Variants in PID1 observed in about 807,000 individuals in gnomAD.
PID1 encodes the protein PTB-containing, cubilin and LRP1-interacting protein.
A neutral mutation model predicts 19.1 loss-of-function variants in PID1; 10 were observed. That is an observed-to-expected ratio of 0.52 (90% CI 0.32 to 0.89). The LOEUF (loss-of-function observed/expected upper bound fraction) is 0.89. Among genes scored for constraint, PID1 ranks in the 40% least tolerant of loss-of-function variants. The pLI is 0.03. For synonymous variants in PID1, 130 were observed against 116.0 expected (o/e 1.12, Z -0.78); for missense variants, 248 against 285.3 (o/e 0.87, Z 0.94).
At chr2:229,244,336 T>C (rs1458041774) in intron 1 of PID1, among the ~76,000 whole-genome samples, 1 of 152,118 alleles carries the variant, frequency 6.6e-6, no homozygotes, top group Non-Finnish European at 1.5e-5. Flanking sequence ...TCCCTGATTC[T>C]TATCGTCATC....
chr2:229,078,944 G>A (rs1191752589), intron 2 of PID1, among the ~76,000 whole-genome samples: 2 of 152,182 alleles, frequency 1.3e-5, no homozygotes, highest in East Asian at 1.9e-4. Flanking sequence ...GAATGCTGAA[G>A]TAAGTGTAGG....
At chr2:229,073,824 C>T (rs1458782741) in intron 2 of PID1, among the ~76,000 whole-genome samples, 1 of 152,190 alleles carries the variant, frequency 6.6e-6, no homozygotes, top group African/African-American at 2.4e-5. Flanking sequence ...ATTTTGGCTA[C>T]TGGGAATAAA....
intron 1 of PID1, among the ~76,000 whole-genome samples, chr2:229,188,883 T>A (rs1025187571): frequency 6.6e-6 from 1 of 152,208 alleles, no homozygotes; most frequent in African/African-American, 2.4e-5. Context: ...CTCCTTGGTC[T>A]TTAGTAAGCA....
At chr2:229,147,562 A>T (rs994587042) in intron 2 of PID1, among the ~76,000 whole-genome samples, 3 of 152,000 alleles carry the variant, frequency 2.0e-5, no homozygotes, top group African/African-American at 7.2e-5. Context: ...ACATGTTATA[A>T]TCAACTTTTT....
intron 2 of PID1, among the ~76,000 whole-genome samples, chr2:229,074,323 A>T (rs1255643472): frequency 2.0e-5 from 3 of 151,972 alleles, no homozygotes; most frequent in African/African-American, 7.3e-5. Context: ...ACATTACTTA[A>T]AAAAAAAGAT....
chr2:229,177,641 G>C (rs1690851673), intron 1 of PID1, among the ~76,000 whole-genome samples: 1 of 151,944 alleles, frequency 6.6e-6, no homozygotes, highest in African/African-American at 2.4e-5. Flanking sequence ...TGTTGTTTTA[G>C]ACTTCTGATA....
In PID1 at chr2:229,025,720, G is replaced by A; in HGVS notation, c.566C>T (p.Thr189Ile). 1.2e-6 allele frequency: 2 copies of A among 1,614,258 alleles called. No individual in the cohort carries two copies. The highest frequency in any genetic ancestry group is 1.7e-6 in the Non-Finnish European group (2 of 1,180,044). Reference protein sequence around the residue: ...AHAMMEAFRKTFHSMKSDGRI... With the variant: ...AHAMMEAFRKIFHSMKSDGRI... Reference sequence around the variant, plus strand: ...CCCGTCGCTCTTCATACTGTGGAAAGTCTTCCTGAAGGCCTCCATCATGGC... The same window carrying A: ...CCCGTCGCTCTTCATACTGTGGAAAATCTTCCTGAAGGCCTCCATCATGGC... Residue 189 changes from threonine (T) to isoleucine (I), a missense_variant, in exon 3 of 3, where the codon ACT becomes ATT. Transcript: ENST00000392055.
chr2:229,196,636 G>A (rs1397160069), intron 1 of PID1, among the ~76,000 whole-genome samples: 2 of 151,986 alleles, frequency 1.3e-5, no homozygotes, highest in African/African-American at 2.4e-5. Context: ...GTGTCATATC[G>A]CTTATGAAAC....
chr2:229,039,187 TA>T (rs1251808313), intron 2 of PID1, among the ~76,000 whole-genome samples: 4 of 152,242 alleles, frequency 2.6e-5, no homozygotes, highest in Non-Finnish European at 5.9e-5. Context: ...ATTATTTGGT[TA>T]TTTGTAATTA....
At chr2:229,165,258 C>A (rs965708843) in intron 1 of PID1, among the ~76,000 whole-genome samples, 4 of 152,086 alleles carry the variant, frequency 2.6e-5, no homozygotes, top group African/African-American at 9.7e-5. Context: ...ACAAAAATAT[C>A]CAGTATCCAA....
At chr2:229,040,325 AAAC>A (rs1439594608) in intron 2 of PID1, among the ~76,000 whole-genome samples, 1 of 151,136 alleles carries the variant, frequency 6.6e-6, no homozygotes, top group East Asian at 1.9e-4. Flanking sequence ...GTCAACAAAC[AAAC>A]AAACAAACAA....
At position 229,025,910 on chromosome 2, in the gene PID1, C is replaced by G. The variant is rs143934715; in HGVS notation, c.376G>C (p.Asp126His). ...DHKGEATVHM[D>H]TFQVARIAYC... is the part of the protein sequence containing the mutation. ...GCGATGCGGGCCACCTGGAAGGTAT[C>G]CATGTGCACTGTGGCCTCCCCTTTG... The change falls in exon 3 of 3, where the codon GAT becomes CAT. Residue 126 changes from aspartate (D) to histidine (H), a missense_variant. Coordinates refer to ENST00000392055, the MANE Select transcript of PID1 (RefSeq NM_001100818.2). 7.4e-6 allele frequency: 12 copies of G among 1,614,048 alleles called. No homozygotes were observed. The African/African-American group carries it at 1.5e-4, about 20-fold the overall frequency.
chr2:229,220,396 C>T (rs980316621), intron 1 of PID1, among the ~76,000 whole-genome samples: 34 of 152,042 alleles, frequency 2.2e-4, no homozygotes, highest in African/African-American at 8.2e-4. Context: ...AAGGACTGTA[C>T]AACTGATGAG....
intron 1 of PID1, among the ~76,000 whole-genome samples, chr2:229,226,965 C>A (rs1288808194): frequency 1.3e-5 from 2 of 152,114 alleles, no homozygotes; most frequent in East Asian, 3.9e-4. Context: ...ACTTTCACAA[C>A]TATAAAAGAG....
chr2:229,114,113 T>TTCTCTCTCTCTCTCTC (rs59302884), intron 2 of PID1, among the ~76,000 whole-genome samples: 1 of 138,872 alleles, frequency 7.2e-6, no homozygotes, highest in Non-Finnish European at 1.6e-5. Flanking sequence ...CTCTCTCTCT[T>TTCTCTCTCTCTCTCTC]TCTCTCTCTC....
chr2:229,251,103 C>T (rs1690138447), intron 1 of PID1, among the ~76,000 whole-genome samples: 1 of 152,142 alleles, frequency 6.6e-6, no homozygotes, highest in Admixed American at 6.5e-5. Flanking sequence ...TATCACCATC[C>T]TTTTTACATC....
At chr2:229,067,578 T>C (rs1694355381) in intron 2 of PID1, among the ~76,000 whole-genome samples, 1 of 152,146 alleles carries the variant, frequency 6.6e-6, no homozygotes, top group South Asian at 2.1e-4. Flanking sequence ...ATGGCCATGC[T>C]GTTCTAACTG....
chr2:229,086,982 C>A (rs565559631), intron 2 of PID1, among the ~76,000 whole-genome samples: 1 of 151,922 alleles, frequency 6.6e-6, no homozygotes, highest in African/African-American at 2.4e-5. Flanking sequence ...CAACCACAAA[C>A]TGCTGTCAGA....
At chr2:229,257,887 C>T (rs749364140) in intron 1 of PID1, among the ~76,000 whole-genome samples, 32 of 152,204 alleles carry the variant, frequency 2.1e-4, no homozygotes, top group African/African-American at 6.5e-4. Context: ...CCAGACCCTA[C>T]GTCTGCTACA....
Sources: gnomAD v4.1 joint callset for allele counts (sites outside exome capture counted in the v4.1 genomes callset) on GRCh38, gnomAD v4.1.1 for gene constraint, MANE v1.5 for transcripts, NCBI Gene and HGNC (gene_info 2026-07-23, HGNC 2026-07-21) for gene names.